Variants in PCDH15 observed in about 807,000 individuals in gnomAD.
The protein encoded by PCDH15 is protocadherin related 15.
In PCDH15, 129 loss-of-function variants were observed where a neutral mutation model predicts 178.5. The observed-to-expected ratio is 0.72, with a 90% CI of 0.63 to 0.84. PCDH15 has a LOEUF of 0.84. Ranked by LOEUF, PCDH15 falls within the 40% of genes least tolerant of loss-of-function variation. The pLI is 0.00. For missense variants in PCDH15, 2,230 were observed against 2,099.9 expected (o/e 1.06, Z -1.21); for synonymous variants, 800 against 732.0 (o/e 1.09, Z -1.50).
intron 2 of PCDH15, among the ~76,000 whole-genome samples, chr10:55,462,324 A>G (rs1489303625): frequency 6.6e-6 from 1 of 152,156 alleles, no homozygotes; most frequent in Non-Finnish European, 1.5e-5. Context: ...CAAATAAACC[A>G]CAGGTCCTTC....
chr10:55,081,047 G>T (rs1443744732), intron 2 of PCDH15, among the ~76,000 whole-genome samples: 2 of 152,140 alleles, frequency 1.3e-5, no homozygotes, highest in Non-Finnish European at 2.9e-5. Flanking sequence ...CTCCAGATCA[G>T]TGCCCATGCT....
chr10:53,888,296 A>ATGTACG lies in PCDH15; in HGVS notation c.3501+14946_3501+14947insCGTACA, dbSNP rs370499638. Among the ~76,000 whole-genome samples the ATGTACG allele has an allele frequency of 1.5e-4, 6 of 39,738 alleles. No homozygotes were observed. In the East Asian group the frequency reaches 0.011, roughly 73 times the overall value. 26.1% of individuals were successfully genotyped at this position (39,738 alleles called of 152,430 possible). ...ACATTCCAACACTATATATACATAT[A>ATGTACG]TATATATATATATGTATATATGTAC... is the stretch of plus-strand genomic sequence containing the variant. On this transcript the variant is annotated intron_variant, in intron 26 of 37. Coordinates refer to ENST00000644397, the MANE Select transcript of PCDH15 (RefSeq NM_001384140.1).
intron 1 of PCDH15, among the ~76,000 whole-genome samples, chr10:54,737,353 C>A (rs2132742877): frequency 6.6e-6 from 1 of 152,118 alleles, no homozygotes; most frequent in Non-Finnish European, 1.5e-5. Flanking sequence ...ACCCACTATA[C>A]TACAAAATGG....
At chr10:54,614,709 C>A (rs1484341899) in intron 2 of PCDH15, among the ~76,000 whole-genome samples, 1 of 151,914 alleles carries the variant, frequency 6.6e-6, no homozygotes, top group Non-Finnish European at 1.5e-5. Flanking sequence ...TGTTACTTTT[C>A]TCGTGCTTGT....
chr10:55,276,163 C>A (rs980867658), intron 1 of PCDH15, among the ~76,000 whole-genome samples: 1 of 150,348 alleles, frequency 6.7e-6, no homozygotes. Flanking sequence ...TTCTACATCA[C>A]GTGAAAATAA....
At chr10:54,471,073 T>C (rs1354787682) in intron 3 of PCDH15, among the ~76,000 whole-genome samples, 1 of 152,206 alleles carries the variant, frequency 6.6e-6, no homozygotes, top group East Asian at 1.9e-4. Context: ...ACTGATAATA[T>C]ATTCAATTAA....
chr10:55,615,788 C>T (rs1349341382), intron 2 of PCDH15, among the ~76,000 whole-genome samples: 5 of 152,086 alleles, frequency 3.3e-5, no homozygotes, highest in Non-Finnish European at 1.5e-5. Context: ...TCATATGAAC[C>T]TAAGCTGATT....
At chr10:55,376,580 A>G (rs1289855231) in intron 2 of PCDH15, among the ~76,000 whole-genome samples, 1 of 152,050 alleles carries the variant, frequency 6.6e-6, no homozygotes, top group Admixed American at 6.6e-5. Flanking sequence ...TGATTATTGA[A>G]GAAGAAGGTA....
At chr10:55,409,884 T>A (rs867639538) in intron 2 of PCDH15, among the ~76,000 whole-genome samples, 1 of 152,026 alleles carries the variant, frequency 6.6e-6, no homozygotes, top group African/African-American at 2.4e-5. Flanking sequence ...AAAAGAGAAA[T>A]TTGTGCTTAC....
At chr10:54,502,913 T>C (rs898083693) in intron 3 of PCDH15, among the ~76,000 whole-genome samples, 1 of 151,998 alleles carries the variant, frequency 6.6e-6, no homozygotes, top group Non-Finnish European at 1.5e-5. Context: ...ATGTAAAAAT[T>C]ATAAGCTCAC....
At chr10:54,351,994 G>A (rs1944258255) in intron 5 of PCDH15, among the ~76,000 whole-genome samples, 2 of 152,186 alleles carry the variant, frequency 1.3e-5, no homozygotes, top group Admixed American at 1.3e-4. Context: ...GTGGTAGAAA[G>A]TCCTCCACAA....
At chr10:55,286,128 T>A (rs1842863243) in intron 1 of PCDH15, among the ~76,000 whole-genome samples, 1 of 151,964 alleles carries the variant, frequency 6.6e-6, no homozygotes, top group African/African-American at 2.4e-5. Context: ...GTTTCTTTCT[T>A]TTCCATTAAA....
intron 2 of PCDH15, among the ~76,000 whole-genome samples, chr10:54,985,715 C>A (rs892580080): frequency 6.6e-6 from 1 of 152,146 alleles, no homozygotes; most frequent in Non-Finnish European, 1.5e-5. Context: ...ATTCAAAATT[C>A]AAAGTAAAGT....
chr10:53,974,835 T>A (rs1052878337), intron 21 of PCDH15, among the ~76,000 whole-genome samples: 1 of 152,088 alleles, frequency 6.6e-6, no homozygotes, highest in South Asian at 2.1e-4. Context: ...TGTTACACGA[T>A]GTTTCATAAT....
chr10:54,362,137 ACT>A (rs897417810), intron 5 of PCDH15, among the ~76,000 whole-genome samples: 2 of 152,048 alleles, frequency 1.3e-5, no homozygotes, highest in Non-Finnish European at 2.9e-5. Context: ...ATAAATGGTA[ACT>A]CAATGGTAAT....
chr10:53,806,509 G>GTGACAATA lies in PCDH15; in HGVS notation c.*62_*69dup. ...ATAAATTCCATACATTGTTTTCTCA[G>GTGACAATA]TGACAATAAAAAGCACAGTTTATTA... On this transcript the variant is annotated 3_prime_UTR_variant, in exon 38 of 38. Coordinates refer to ENST00000644397, the MANE Select transcript of PCDH15 (RefSeq NM_001384140.1). 1.6e-6 allele frequency: 2 copies of GTGACAATA among 1,273,508 alleles called. No homozygotes were observed. The highest frequency in any genetic ancestry group is 3.1e-5 in the South Asian group (2 of 64,594). The allele number at this position is 1,273,508 out of a possible 1,614,324, so 78.9% of individuals were successfully genotyped here.
intron 20 of PCDH15, among the ~76,000 whole-genome samples, chr10:54,011,534 T>C (rs1298083572): frequency 6.6e-6 from 1 of 151,994 alleles, no homozygotes; most frequent in Non-Finnish European, 1.5e-5. Flanking sequence ...CAGCCAGCAG[T>C]CAAGTGCAAA....
At chr10:55,536,400 G>T (rs1051976482) in intron 2 of PCDH15, among the ~76,000 whole-genome samples, 1 of 152,024 alleles carries the variant, frequency 6.6e-6, no homozygotes, top group Non-Finnish European at 1.5e-5. Flanking sequence ...GTACCTCAAA[G>T]AATTCTTTCA....
In PCDH15 at chr10:54,077,881, G is replaced by A. The variant is rs375578948; in HGVS notation, c.2091+1450C>T. On this transcript the variant is annotated intron_variant, in intron 17 of 37. Transcript: ENST00000644397. The stretch of plus-strand genomic sequence containing the variant: ...AGTTCGAGTCCAGCCTGGCCAACAC[G>A]GTGAAACCCTGTCTCTACTAAAAAT... Among the ~76,000 whole-genome samples the A allele has an allele frequency of 3.9e-5, 6 of 152,188 alleles. No homozygotes were observed. In the East Asian group the frequency reaches 5.8e-4, roughly 15 times the overall value.
Sources: allele counts gnomAD v4.1 joint callset (sites outside exome capture counted in the v4.1 genomes callset), GRCh38; gene constraint gnomAD v4.1.1; transcripts MANE v1.5; gene names NCBI Gene and HGNC (gene_info 2026-07-23, HGNC 2026-07-21).